The following DIAPH3 variants were observed in gnomAD, a reference collection of about 807,000 sequenced individuals.
DIAPH3 encodes diaphanous related formin 3.
DIAPH3 carries 117 observed loss-of-function variants against 144.3 expected under a neutral mutation model. The observed-to-expected ratio is 0.81, with a 90% CI of 0.70 to 0.95. The LOEUF is 0.95. Ranked by LOEUF, DIAPH3 falls within the 40% of genes least tolerant of loss-of-function variation. DIAPH3 has a pLI of 0.00. For synonymous variants in DIAPH3, 519 were observed against 488.9 expected (o/e 1.06, Z -0.81); for missense variants, 1,421 against 1,412.7 (o/e 1.01, Z -0.09).
intron 24 of DIAPH3, among the ~76,000 whole-genome samples, chr13:59,813,242 G>A (rs2040585233): frequency 6.6e-6 from 1 of 151,854 alleles, no homozygotes; most frequent in South Asian, 2.1e-4. Flanking sequence ...AAGTTAACTT[G>A]TTAGCCTGTT....
intron 27 of DIAPH3, among the ~76,000 whole-genome samples, chr13:59,704,968 G>C (rs1000466368): frequency 1.3e-5 from 2 of 152,154 alleles, no homozygotes; most frequent in Admixed American, 6.5e-5. Flanking sequence ...AATGTGAAAA[G>C]AATTAGTTCC....
intron 1 of DIAPH3, among the ~76,000 whole-genome samples, chr13:60,158,665 A>G (rs961585416): frequency 1.3e-5 from 2 of 152,070 alleles, no homozygotes. Context: ...CACATTCCAC[A>G]ATCTGGACTG....
Position 59,998,028 on chromosome 13 carries a change from C to T in DIAPH3, c.1015-5445G>A, listed in dbSNP as rs1033156. 6.1e-3 allele frequency among the ~76,000 whole-genome samples: 934 copies of T among 152,262 alleles called. 4 individuals are homozygous for T. Among genetic ancestry groups the T allele is most frequent in the Non-Finnish European group, 8.9e-3 (606 of 68,002 alleles). ...CCCATAGCAGAAATCATCTGTCTCT[C>T]TTTGCACAATTAAATTTCACATTTA... On this transcript the variant is annotated intron_variant, in intron 9 of 27. Transcript: ENST00000400324.
intron 27 of DIAPH3, among the ~76,000 whole-genome samples, chr13:59,759,036 C>T (rs2037435021): frequency 6.6e-6 from 1 of 151,036 alleles, no homozygotes; most frequent in African/African-American, 2.4e-5. Context: ...AAGCTATCCT[C>T]CTGCCTCAGC....
chr13:60,147,405 A>T (rs1951581179), intron 1 of DIAPH3: 1 of 152,272 alleles, frequency 6.6e-6, no homozygotes. Context: ...AAATAGGGAA[A>T]ATTTGCTCTT....
intron 4 of DIAPH3, among the ~76,000 whole-genome samples, chr13:60,076,310 C>T (rs1032186950): frequency 4.6e-5 from 7 of 152,068 alleles, no homozygotes; most frequent in Non-Finnish European, 5.9e-5. Flanking sequence ...CACAGCATTC[C>T]GACACCTCTC....
At chr13:59,877,313 A>C (rs2044694832) in intron 21 of DIAPH3, among the ~76,000 whole-genome samples, 1 of 151,992 alleles carries the variant, frequency 6.6e-6, no homozygotes, top group Admixed American at 6.6e-5. Flanking sequence ...TGCCACCCCC[A>C]TACCATCTTT....
intron 1 of DIAPH3, among the ~76,000 whole-genome samples, chr13:60,160,978 T>C (rs1303867520): frequency 6.6e-6 from 1 of 152,218 alleles, no homozygotes; most frequent in Admixed American, 6.5e-5. Flanking sequence ...ATTTGCCAAC[T>C]TTAACAGGAC....
intron 1 of DIAPH3, among the ~76,000 whole-genome samples, chr13:60,136,710 C>T (rs955026455): frequency 5.9e-5 from 9 of 151,502 alleles, no homozygotes; most frequent in Middle Eastern, 3.2e-3. Context: ...CAGAGGCGGG[C>T]GGATCACGAG....
intron 5 of DIAPH3, among the ~76,000 whole-genome samples, chr13:60,030,483 A>G (rs2054707957): frequency 6.6e-6 from 1 of 152,196 alleles, no homozygotes; most frequent in South Asian, 2.1e-4. Context: ...GCAAATGAGC[A>G]GTACAGGCTC....
chr13:60,018,544 A>G (rs2053806684), intron 5 of DIAPH3, among the ~76,000 whole-genome samples: 1 of 152,180 alleles, frequency 6.6e-6, no homozygotes, highest in Non-Finnish European at 1.5e-5. Context: ...CCCACTATAT[A>G]ACTCTCTTCT....
intron 4 of DIAPH3, among the ~76,000 whole-genome samples, chr13:60,088,422 C>G (rs2137868180): frequency 6.6e-6 from 1 of 152,218 alleles, no homozygotes; most frequent in East Asian, 1.9e-4. Flanking sequence ...TCCTTACTCC[C>G]TCTCTGCCCC....
intron 4 of DIAPH3, among the ~76,000 whole-genome samples, chr13:60,053,386 A>G (rs2056434394): frequency 1.3e-5 from 2 of 152,186 alleles, no homozygotes; most frequent in Non-Finnish European, 2.9e-5. Flanking sequence ...TTTATCCAAC[A>G]TAATTTTTAA....
intron 4 of DIAPH3, among the ~76,000 whole-genome samples, chr13:60,049,125 A>G (rs1037749990): frequency 1.3e-5 from 2 of 152,224 alleles, no homozygotes; most frequent in African/African-American, 4.8e-5. Context: ...AGACAAAGGA[A>G]TCAAAAAATT....
intron 3 of DIAPH3, 74 bp downstream of exon 3, chr13:60,111,936 C>T: frequency 2.0e-6 from 3 of 1,506,544 alleles, no homozygotes; most frequent in Admixed American, 3.4e-5. Context: ...ACCAAAAATG[C>T]TTAGAGTTCC....
chr13:59,960,991 T>C (rs1203939170), intron 17 of DIAPH3, among the ~76,000 whole-genome samples: 1 of 152,176 alleles, frequency 6.6e-6, no homozygotes, highest in African/African-American at 2.4e-5. Flanking sequence ...AAACTAGATA[T>C]ACAGAATAAT....
chr13:59,762,052 C>CTTTTTTTTTTTATTTTTTTTTTTTTTT (rs2037622922), intron 27 of DIAPH3, among the ~76,000 whole-genome samples: 1 of 59,490 alleles, frequency 1.7e-5, no homozygotes, highest in Admixed American at 2.5e-4. Flanking sequence ...GCGTCAGCAT[C>CTTTTTTTTTTTATTTTTTTTTTTTTTT]TTTTTTTTTT....
intron 1 of DIAPH3, among the ~76,000 whole-genome samples, chr13:60,158,933 C>T (rs866496134): frequency 1.0e-5 from 1 of 96,750 alleles, no homozygotes; most frequent in Non-Finnish European, 2.3e-5. Context: ...AAAAAAAAAA[C>T]CAAATAACCT....
chr13:59,800,690 A>C (rs1428245260), intron 25 of DIAPH3, among the ~76,000 whole-genome samples: 1 of 152,122 alleles, frequency 6.6e-6, no homozygotes, highest in African/African-American at 2.4e-5. Flanking sequence ...CCTCAGACCA[A>C]ATTCCTTCAG....
Sources: allele counts gnomAD v4.1 joint callset (sites outside exome capture counted in the v4.1 genomes callset), GRCh38; gene constraint gnomAD v4.1.1; transcripts MANE v1.5; gene names NCBI Gene and HGNC (gene_info 2026-07-23, HGNC 2026-07-21).